GSDMD: variants seen among roughly 807,000 people sequenced by gnomAD.
GSDMD encodes gasdermin-D.
Under a neutral mutation model 46.7 loss-of-function variants are expected in GSDMD, and 46 were observed. The observed-to-expected ratio is 0.99, with a 90% CI of 0.78 to 1.26. GSDMD has a LOEUF of 1.26. Ranked by LOEUF, GSDMD falls within the 50% of genes most tolerant of loss-of-function variation. The probability of loss-of-function intolerance (pLI) is 0.00; values close to 1 mark genes in which losing one functional copy is unlikely to be tolerated. For synonymous variants in GSDMD, 307 were observed against 283.1 expected (o/e 1.08, Z -0.85); for missense variants, 649 against 638.8 (o/e 1.02, Z -0.17).
In GSDMD at chr8:143,560,676, G is replaced by A. The variant is rs779063452; in HGVS notation, c.484G>A (p.Glu162Lys). 5.0e-6 allele frequency: 8 copies of A among 1,588,658 alleles called. No homozygotes were observed. Among genetic ancestry groups the A allele is most frequent in the South Asian group, 1.1e-5 (1 of 87,602 alleles). The change falls in exon 4 of 11, where the codon GAG becomes AAG. Residue 162 changes from glutamate to lysine, a missense_variant. Transcript: ENST00000262580. Reference protein sequence around the residue: ...SRGDNVYVVTEVLQTQKEVEV... With the variant: ...SRGDNVYVVTKVLQTQKEVEV... ...CGGGGACAACGTGTACGTGGTGACT[G>A]AGGTGCTGCAGACACAGAAGGAGGT...
upstream of GSDMD, among the ~76,000 whole-genome samples, chr8:143,555,688 G>A (rs1410956546): frequency 6.6e-6 from 1 of 152,204 alleles, no homozygotes; most frequent in Non-Finnish European, 1.5e-5. Flanking sequence ...GCAGTGTGTG[G>A]GCTCCTTGCC....
intron 1 of GSDMD, chr8:143,558,687 C>G (rs975365710): frequency 3.5e-6 from 2 of 571,366 alleles, no homozygotes; most frequent in Admixed American, 6.5e-5. Flanking sequence ...TCCAGGTTCC[C>G]GGGCCGGTGC....
Position 143,559,884 on chromosome 8 carries a change from G to C in GSDMD, c.325G>C (p.Ala109Pro), listed in dbSNP as rs200806004. The change falls in exon 3 of 11, where the codon GCG becomes CCG. Residue 109 changes from alanine (A) to proline (P), a missense_variant. Coordinates refer to ENST00000262580, the MANE Select transcript of GSDMD (RefSeq NM_024736.7). ...PGQAKIAGGA[A>P]VSDSSSTSMN... Reference sequence around the variant, plus strand: ...ACAGGCAAAGATCGCAGGCGGGGCCGCGGTGTCTGACAGCTCCAGCACCTC... The same window carrying C: ...ACAGGCAAAGATCGCAGGCGGGGCCCCGGTGTCTGACAGCTCCAGCACCTC... 6.2e-7 allele frequency: 1 copy of C among 1,612,616 alleles called. No individual in the cohort carries two copies. Among genetic ancestry groups the C allele is most frequent in the Non-Finnish European group, 8.5e-7 (1 of 1,179,964 alleles).
At chr8:143,558,236 G>C (rs575907309), upstream of GSDMD, 2 of 1,312,666 alleles carry the variant, frequency 1.5e-6, no homozygotes, top group African/African-American at 1.5e-5. Flanking sequence ...CCGGACGCGC[G>C]AGGCTGGTGC....
At chr8:143,562,413 G>C (rs1349806) in intron 9 of GSDMD, 35 bp from the exon 10 acceptor site, 1,257,122 of 1,580,096 alleles carry the variant, frequency 0.8, 501,836 homozygotes, top group East Asian at 0.97. Flanking sequence ...CCCGGTGGGC[G>C]TTCAGAAACC....
At chr8:143,557,189 T>G (rs901074428), upstream of GSDMD, among the ~76,000 whole-genome samples, 2 of 152,292 alleles carry the variant, frequency 1.3e-5, no homozygotes, top group Non-Finnish European at 2.9e-5. Context: ...TCATTCCTTT[T>G]GACCGTGGGC....
chr8:143,558,637 C>A, intron 1 of GSDMD, 186 bp downstream of exon 1: 1 of 614,044 alleles, frequency 1.6e-6, no homozygotes, highest in Non-Finnish European at 2.7e-6. Context: ...AGGGGCCCGG[C>A]CTTTGGACCT....
chr8:143,558,165 A>C (rs1460661705), upstream of GSDMD: 21 of 708,376 alleles, frequency 3.0e-5, no homozygotes, highest in Admixed American at 6.8e-5. Context: ...AGTTTTAAGA[A>C]AAACCACAAA....
At position 143,561,047 on chromosome 8, in the gene GSDMD, C is replaced by A. The variant is rs201170624; in HGVS notation, c.625C>A (p.Pro209Thr). The A allele has an allele frequency of 2.5e-5, 41 of 1,613,150 alleles. No homozygotes were observed. The highest frequency in any genetic ancestry group is 3.1e-5 in the Non-Finnish European group (36 of 1,179,970). ...GAGCCAGAAGAAGACGGTCACCATC[C>A]CCTCAGGCAGCACCCTCGCATTCCG... is the stretch of plus-strand genomic sequence containing the variant. ...HLSQKKTVTI[P>T]SGSTLAFRVA... Residue 209 changes from proline (P) to threonine (T), a missense_variant, in exon 5 of 11, where the codon CCC becomes ACC. Transcript: ENST00000262580.
At chr8:143,554,572 ACAC>A (rs1823266956), upstream of GSDMD, among the ~76,000 whole-genome samples, 2 of 149,210 alleles carry the variant, frequency 1.3e-5, no homozygotes, top group East Asian at 2.0e-4. Flanking sequence ...GCGCAAACGC[ACAC>A]AACACGCACG....
At chr8:143,561,881 T>A in intron 7 of GSDMD, 53 bp downstream of exon 7, 2 of 1,608,922 alleles carry the variant, frequency 1.2e-6, no homozygotes, top group Non-Finnish European at 1.7e-6. Flanking sequence ...TCCTGCCCCC[T>A]GGGGTCTGCC....
At position 143,559,422 on chromosome 8, in the gene GSDMD, G is replaced by C. The variant is rs1191602961; in HGVS notation, c.87G>C (p.Gln29His). ...AGTTCATCCCTGTGACCAGCCTGCA[G>C]AGCTCCACTGGCTTCCAGCCCTACT... ...GGEFIPVTSL[Q>H]SSTGFQPYCL... Residue 29 changes from glutamine (Q) to histidine (H), a missense_variant, in exon 2 of 11, where the codon CAG (glutamine) becomes CAC (histidine). By Grantham distance (24) the Gln-to-His change is conservative. Coordinates refer to ENST00000262580, the MANE Select transcript of GSDMD (RefSeq NM_024736.7). 1.9e-6 allele frequency: 3 copies of C among 1,612,954 alleles called. No individual in the cohort carries two copies. The highest frequency in any genetic ancestry group is 2.5e-6 in the Non-Finnish European group (3 of 1,179,982).
At chr8:143,560,803 C>T in intron 4 of GSDMD, 32 bp downstream of exon 4, 1 of 1,492,922 alleles carries the variant, frequency 6.7e-7, no homozygotes, top group Admixed American at 2.5e-5. Flanking sequence ...ACGCCTGGCC[C>T]CCCACGTGGG....
Position 143,562,056 on chromosome 8 carries a change from G to A in GSDMD, c.921G>A (p.Glu307=). ...AGGAACTGGAGCTTTTGGACAGAGA[G>A]CTGTGCCAGCTGCTGCTGGAGGGCC... is the stretch of plus-strand genomic sequence containing the variant. ...ISKELELLDR[E]LCQLLLEGLE... The change falls in exon 8 of 11, where the codon GAG becomes GAA. Residue 307 remains glutamate (E), a synonymous_variant. Coordinates refer to ENST00000262580, the MANE Select transcript of GSDMD (RefSeq NM_024736.7). The A allele has an allele frequency of 6.3e-7, 1 of 1,597,272 alleles. No homozygotes were observed. The highest frequency in any genetic ancestry group is 8.5e-7 in the Non-Finnish European group (1 of 1,176,736).
chr8:143,559,767 C>T lies in GSDMD; in HGVS notation c.218-10C>T, dbSNP rs200297763. On this transcript the variant is annotated splice_polypyrimidine_tract_variant and intron_variant, in intron 2 of 10. Coordinates refer to ENST00000262580, the MANE Select transcript of GSDMD (RefSeq NM_024736.7). ...CGCTGGGCACAGCCTCAGGTCTGGC[C>T]TTGCTTTAGACGTGCAGCGTGGCAG... 4.0e-4 allele frequency: 632 copies of T among 1,582,304 alleles called. No homozygotes were observed. Among genetic ancestry groups the T allele is most frequent in the Admixed American group, 1.7e-3 (99 of 58,258 alleles).
At position 143,559,481 on chromosome 8, in the gene GSDMD, T is replaced by G; in HGVS notation, c.146T>G (p.Phe49Cys). 1.2e-6 allele frequency: 2 copies of G among 1,612,898 alleles called. No individual in the cohort carries two copies. The highest frequency in any genetic ancestry group is 1.7e-6 in the Non-Finnish European group (2 of 1,179,998). ...GTTAGGAAGCCCTCAAGCTCATGGT[T>G]CTGGAAACCCCGTTATAAGTGTGTC... The part of the protein sequence containing the change: ...LVVRKPSSSW[F>C]WKPRYKCVNL... Residue 49 changes from phenylalanine (F) to cysteine (C), a missense_variant, in exon 2 of 11, where the codon TTC becomes TGC. Phe to Cys is a radical substitution (Grantham distance 205). Coordinates refer to ENST00000262580, the MANE Select transcript of GSDMD (RefSeq NM_024736.7).
At chr8:143,558,242 G>A (rs981417663), upstream of GSDMD, 54 of 1,355,754 alleles carry the variant, frequency 4.0e-5, no homozygotes, top group Admixed American at 1.2e-3. Flanking sequence ...GCGCGAGGCT[G>A]GTGCTCCAGG....
upstream of GSDMD, among the ~76,000 whole-genome samples, chr8:143,557,362 G>GGATGATGCCGCTGTGATGACA (rs778039771): frequency 1.0e-5 from 1 of 97,080 alleles, no homozygotes; most frequent in Non-Finnish European, 2.2e-5. Context: ...CTTTGGCGAA[G>GGATGATGCCGCTGTGATGACA]GATGCTGCCG....
upstream of GSDMD, chr8:143,557,795 G>A (rs1823344161): frequency 3.1e-6 from 1 of 323,756 alleles, no homozygotes; most frequent in South Asian, 2.3e-5. Flanking sequence ...TGATGACTAA[G>A]GGTGTTGAGC....
Sources: allele counts gnomAD v4.1 joint callset (sites outside exome capture counted in the v4.1 genomes callset), GRCh38; gene constraint gnomAD v4.1.1; transcripts MANE v1.5; gene names NCBI Gene and HGNC (gene_info 2026-07-23, HGNC 2026-07-21).